ZC3H12B: variants seen among roughly 807,000 people sequenced by gnomAD.
ZC3H12B encodes the protein zinc finger CCCH-type containing 12B.
Under a neutral mutation model 43.9 loss-of-function variants are expected in ZC3H12B, and 7 were observed. The ratio of observed to expected loss-of-function variants is 0.16; its 90% confidence interval spans 0.09 to 0.30. The LOEUF (loss-of-function observed/expected upper bound fraction) is 0.30, where lower values mean the gene tolerates loss of function less well. Among genes scored for constraint, ZC3H12B ranks in the 10% least tolerant of loss-of-function variants. The pLI, the probability that ZC3H12B is intolerant of heterozygous loss-of-function variation, is 1.00. For synonymous variants in ZC3H12B, 222 were observed against 241.7 expected (o/e 0.92, Z 0.76); for missense variants, 475 against 670.2 (o/e 0.71, Z 3.22).
the ZC3H12B span, among the ~76,000 whole-genome samples, chrX:65,328,961 G>C: frequency 1.8e-5 from 2 of 109,878 alleles, no homozygotes; most frequent in Admixed American, 9.8e-5. Context: ...TTGGACATTT[G>C]GGTTGGTTCC....
At chrX:65,159,508 A>G in the ZC3H12B span, among the ~76,000 whole-genome samples, 3 of 110,987 alleles carry the variant, frequency 2.7e-5, no homozygotes, top group East Asian at 2.8e-4. Flanking sequence ...ATTCCTAGGT[A>G]TTTTATTCTC....
the ZC3H12B span, among the ~76,000 whole-genome samples, chrX:65,289,970 A>G: frequency 1.8e-5 from 2 of 111,129 alleles, no homozygotes; most frequent in African/African-American, 6.5e-5. Context: ...AAAAGCAAAA[A>G]TAGAGAAATG....
the ZC3H12B span, among the ~76,000 whole-genome samples, chrX:65,230,556 A>G: frequency 2.8e-5 from 3 of 109,005 alleles, no homozygotes; most frequent in Non-Finnish European, 5.7e-5. Flanking sequence ...AAAATATACG[A>G]AATCACCAGT....
the ZC3H12B span, among the ~76,000 whole-genome samples, chrX:65,266,957 G>A: frequency 3.2e-4 from 35 of 110,539 alleles, no homozygotes; most frequent in Non-Finnish European, 6.2e-4. Context: ...AACACATAGA[G>A]GAATAAGGAC....
At chrX:65,298,313 C>T in the ZC3H12B span, among the ~76,000 whole-genome samples, 1 of 110,831 alleles carries the variant, frequency 9.0e-6, no homozygotes, top group African/African-American at 3.3e-5. Context: ...AAAAAGAATC[C>T]CATCAAGAGA....
chrX:65,221,278 G>A, the ZC3H12B span, among the ~76,000 whole-genome samples: 6 of 111,436 alleles, frequency 5.4e-5, no homozygotes, highest in Non-Finnish European at 1.1e-4. Context: ...ACAATCTCAG[G>A]TCACGTTTCA....
At chrX:65,155,332 G>A in the ZC3H12B span, among the ~76,000 whole-genome samples, 20 of 109,819 alleles carry the variant, frequency 1.8e-4, no homozygotes, top group Non-Finnish European at 3.6e-4. Flanking sequence ...CTCTTAGAGC[G>A]ATCACATAGT....
At chrX:65,054,137 C>CT in the ZC3H12B span, among the ~76,000 whole-genome samples, 1 of 111,779 alleles carries the variant, frequency 8.9e-6, no homozygotes, top group Non-Finnish European at 1.9e-5. Flanking sequence ...TCAATTTTGG[C>CT]TTTTGTTGCC....
chrX:65,315,854 A>G, the ZC3H12B span, among the ~76,000 whole-genome samples: 2 of 111,712 alleles, frequency 1.8e-5, no homozygotes, highest in African/African-American at 3.3e-5. Flanking sequence ...AATTCTGAAT[A>G]TAGATAGGAG....
At chrX:65,156,171 T>C in the ZC3H12B span, among the ~76,000 whole-genome samples, 129 of 111,143 alleles carry the variant, frequency 1.2e-3, no homozygotes, top group African/African-American at 3.8e-3. Context: ...ATTTTTAATA[T>C]TGTGCTTTCT....
At chrX:65,099,824 C>T in the ZC3H12B span, among the ~76,000 whole-genome samples, 3 of 111,455 alleles carry the variant, frequency 2.7e-5, no homozygotes, top group East Asian at 5.7e-4. Flanking sequence ...AAAGCCTCAT[C>T]TCCTCCAAAT....
chrX:65,341,069 G>A, the ZC3H12B span, among the ~76,000 whole-genome samples: 1 of 112,105 alleles, frequency 8.9e-6, no homozygotes, highest in South Asian at 3.7e-4. Context: ...GCAATCAAAA[G>A]TATTAATAGC....
At chrX:65,103,758 C>T in the ZC3H12B span, among the ~76,000 whole-genome samples, 9 of 110,780 alleles carry the variant, frequency 8.1e-5, no homozygotes, top group East Asian at 2.9e-4. Context: ...CAACACTCAA[C>T]GAAATAAGAG....
intron 3 of ZC3H12B, among the ~76,000 whole-genome samples, chrX:65,452,436 C>T (rs2067528358): frequency 9.4e-6 from 1 of 106,661 alleles, no homozygotes; most frequent in African/African-American, 3.4e-5. Flanking sequence ...TTTACAATAG[C>T]TGAAAAAAAA....
the ZC3H12B span, among the ~76,000 whole-genome samples, chrX:65,132,640 AGGT>A: frequency 6.6e-4 from 74 of 111,415 alleles, no homozygotes; most frequent in African/African-American, 2.0e-3. Flanking sequence ...GGAGCTGGAC[AGGT>A]GGGGATAACT....
At chrX:65,416,775 C>T (rs1164141619) in intron 3 of ZC3H12B, among the ~76,000 whole-genome samples, 8 of 105,488 alleles carry the variant, frequency 7.6e-5, no homozygotes, top group South Asian at 4.3e-4. Flanking sequence ...GGCAACAGAG[C>T]GAGACTCCGT....
At chrX:65,153,567 AAGTC>A in the ZC3H12B span, among the ~76,000 whole-genome samples, 3 of 112,171 alleles carry the variant, frequency 2.7e-5, no homozygotes, top group South Asian at 1.1e-3. Flanking sequence ...AATTATTAAA[AAGTC>A]AGGAAACAAC....
chrX:65,374,860 C>A (rs935693203), intron 2 of ZC3H12B, among the ~76,000 whole-genome samples: 1 of 110,898 alleles, frequency 9.0e-6, no homozygotes, highest in Non-Finnish European at 1.9e-5. Flanking sequence ...ACCATCAGAT[C>A]TTGTGAGAAC....
chrX:65,411,673 C>A (rs977855370), intron 3 of ZC3H12B, among the ~76,000 whole-genome samples: 13 of 110,110 alleles, frequency 1.2e-4, no homozygotes, highest in African/African-American at 4.3e-4. Flanking sequence ...TTGCAGTGAG[C>A]CGAGTTCATG....
Sources: gnomAD v4.1 joint callset for allele counts (sites outside exome capture counted in the v4.1 genomes callset) on GRCh38, gnomAD v4.1.1 for gene constraint, MANE v1.5 for transcripts, NCBI Gene and HGNC (gene_info 2026-07-23, HGNC 2026-07-21) for gene names.